The following CACNB4 variants were observed in gnomAD, a reference collection of about 807,000 sequenced individuals.
CACNB4 encodes the protein calcium voltage-gated channel auxiliary subunit beta 4.
Under a neutral mutation model 71.2 loss-of-function variants are expected in CACNB4, and 32 were observed. The observed-to-expected ratio is 0.45, with a 90% CI of 0.34 to 0.60. The LOEUF (loss-of-function observed/expected upper bound fraction) is 0.60, where lower values mean the gene tolerates loss of function less well. Among genes scored for constraint, CACNB4 ranks in the 20% least tolerant of loss-of-function variants. The pLI, the probability that CACNB4 is intolerant of heterozygous loss-of-function variation, is 0.01. For synonymous variants in CACNB4, 231 were observed against 236.9 expected, an observed-to-expected ratio of 0.97 and a Z score of 0.23; for missense variants, 464 against 647.9, an observed-to-expected ratio of 0.72 and a Z score of 3.08.
At chr2:152,018,184 T>C (rs920583180) in intron 2 of CACNB4, among the ~76,000 whole-genome samples, 5 of 151,950 alleles carry the variant, frequency 3.3e-5, no homozygotes, top group African/African-American at 1.2e-4. Context: ...TCACAGAAGA[T>C]TAGAAGCGAA....
At position 152,072,017 on chromosome 2, in the gene CACNB4, T is replaced by C. The variant is rs763535644; in HGVS notation, c.147+26313A>G. 2.8e-4 allele frequency among the ~76,000 whole-genome samples: 42 copies of C among 152,380 alleles called. 1 individual carries two copies. The highest frequency in any genetic ancestry group is 6.8e-3 in the Middle Eastern group (2 of 294). ...ACCCACTATGTGCCAGACACAGTTC[T>C]AGGCATTGGGAATTGCAGTGATGAA... On this transcript the variant is annotated intron_variant, in intron 2 of 13. Transcript: ENST00000539935.
chr2:151,998,249 C>A (rs1317305979), intron 2 of CACNB4, among the ~76,000 whole-genome samples: 1 of 144,730 alleles, frequency 6.9e-6, no homozygotes, highest in Non-Finnish European at 1.5e-5. Flanking sequence ...CGCTTGAACT[C>A]AGGAGGCGTA....
intron 12 of CACNB4, among the ~76,000 whole-genome samples, chr2:151,849,670 C>G (rs1355315227): frequency 6.6e-6 from 1 of 152,136 alleles, no homozygotes; most frequent in Non-Finnish European, 1.5e-5. Flanking sequence ...GCTCATGGAG[C>G]CTGGGAGCTG....
chr2:151,840,185 G>A (rs2099835807), intron 13 of CACNB4, among the ~76,000 whole-genome samples: 1 of 152,216 alleles, frequency 6.6e-6, no homozygotes, highest in Admixed American at 6.5e-5. Context: ...ACAGGATCCT[G>A]CTGAAACCAT....
At chr2:151,904,337 T>C (rs2099854228) in intron 2 of CACNB4, among the ~76,000 whole-genome samples, 1 of 152,222 alleles carries the variant, frequency 6.6e-6, no homozygotes, top group African/African-American at 2.4e-5. Flanking sequence ...TGTCCTGTTA[T>C]TGAGTGACAA....
chr2:151,871,744 G>A (rs1390687687), intron 6 of CACNB4: 2 of 152,580 alleles, frequency 1.3e-5, no homozygotes, highest in African/African-American at 4.8e-5. Context: ...ATTGGAATTG[G>A]TAACTAGGAC....
chr2:151,866,799 C>T (rs2099843255), intron 9 of CACNB4: 1 of 152,186 alleles, frequency 6.6e-6, no homozygotes, highest in African/African-American at 2.4e-5. Context: ...CTAAGTCTCT[C>T]TCTTCAGCTA....
At chr2:151,883,430 T>C (rs2099848491) in intron 2 of CACNB4, 60 bp from the exon 3 acceptor site, 2 of 1,570,432 alleles carry the variant, frequency 1.3e-6, no homozygotes, top group Non-Finnish European at 1.8e-6. Flanking sequence ...GTCACATCCA[T>C]AACAGTATCC....
intron 2 of CACNB4, among the ~76,000 whole-genome samples, chr2:151,888,744 C>T (rs2099849994): frequency 6.6e-6 from 1 of 152,112 alleles, no homozygotes; most frequent in Non-Finnish European, 1.5e-5. Context: ...AAGAGAACTG[C>T]TTATTTTTCT....
rs567841617 is a variant in CACNB4, at chr2:152,013,043, AC to A, written c.147+85286del. On this transcript the variant is annotated intron_variant, in intron 2 of 13. Coordinates refer to ENST00000539935, the MANE Select transcript of CACNB4 (RefSeq NM_000726.5). Reference sequence around the variant, plus strand: ...GATACATTTAAATATACAAACACTTACTATTGTGTTACAATTGGCTACAATA... The same window carrying A: ...GATACATTTAAATATACAAACACTTATATTGTGTTACAATTGGCTACAATA... Among the ~76,000 whole-genome samples, 277 of 152,350 alleles carry A rather than the reference AC, an allele frequency of 1.8e-3. 1 individual carries two copies. Among genetic ancestry groups the A allele is most frequent in the Non-Finnish European group, 3.1e-3 (209 of 68,032 alleles).
At chr2:151,854,604 T>C (rs1435152378) in intron 11 of CACNB4, 1 of 152,196 alleles carries the variant, frequency 6.6e-6, no homozygotes, top group African/African-American at 2.4e-5. Flanking sequence ...TTTTTAAAAA[T>C]GAAAGAACAC....
rs1483135871 is a variant in CACNB4, at chr2:151,837,437, C to T, written c.*1682G>A. 1 of 151,868 alleles carries T rather than the reference C, an allele frequency of 6.6e-6. No individual in the cohort carries two copies. The highest frequency in any genetic ancestry group is 1.5e-5 in the Non-Finnish European group (1 of 67,882). The allele number at this position is 151,868 out of a possible 1,614,324, so 9.4% of individuals were successfully genotyped here. A position where few individuals can be genotyped will look rare whatever the true frequency, so the allele number is the denominator to read the frequency against. On this transcript the variant is annotated 3_prime_UTR_variant, in exon 14 of 14. Transcript: ENST00000539935. ...TTCCATGGTCAAGAAGATTACTGAA[C>T]TGGTGCATGCTTTGAGTGCCTGAAT...
At chr2:151,847,336 C>A (rs1005125458) in intron 12 of CACNB4, among the ~76,000 whole-genome samples, 1 of 152,006 alleles carries the variant, frequency 6.6e-6, no homozygotes, top group African/African-American at 2.4e-5. Context: ...TGCACTCCAG[C>A]CTGAACAACA....
intron 5 of CACNB4, chr2:151,872,788 C>T (rs1022837785): frequency 4.5e-6 from 1 of 220,556 alleles, no homozygotes; most frequent in African/African-American, 2.3e-5. Flanking sequence ...TGCTTGTTAA[C>T]CTAACACCAG....
chr2:151,878,702 A>C (rs2099847102), intron 4 of CACNB4, among the ~76,000 whole-genome samples: 1 of 147,090 alleles, frequency 6.8e-6, no homozygotes, highest in African/African-American at 2.5e-5. Context: ...TGTACTACTA[A>C]TTACCTAGTG....
chr2:151,850,300 C>A (rs771279890), intron 12 of CACNB4: 1 of 151,980 alleles, frequency 6.6e-6, no homozygotes. Flanking sequence ...CACCACCACA[C>A]CTGGCTAATT....
intron 2 of CACNB4, among the ~76,000 whole-genome samples, chr2:152,097,577 C>T (rs1688342607): frequency 6.6e-6 from 1 of 152,148 alleles, no homozygotes; most frequent in East Asian, 1.9e-4. Flanking sequence ...AAACTGAGGA[C>T]CAATTTCCTG....
chr2:152,005,725 A>T (rs1247842506), intron 2 of CACNB4, among the ~76,000 whole-genome samples: 3 of 152,236 alleles, frequency 2.0e-5, no homozygotes, highest in Non-Finnish European at 4.4e-5. Context: ...AATAAATGAG[A>T]AACAGCTTTC....
intron 2 of CACNB4, among the ~76,000 whole-genome samples, chr2:152,083,225 C>T (rs1234723817): frequency 6.6e-6 from 1 of 152,098 alleles, no homozygotes; most frequent in Middle Eastern, 3.2e-3. Context: ...TGTGTGTATG[C>T]ATATGTGTGT....
Sources: gnomAD v4.1 joint callset for allele counts (sites outside exome capture counted in the v4.1 genomes callset) on GRCh38, gnomAD v4.1.1 for gene constraint, MANE v1.5 for transcripts, NCBI Gene and HGNC (gene_info 2026-07-23, HGNC 2026-07-21) for gene names.